CTNNA3: variants seen among roughly 807,000 people sequenced by gnomAD.
CTNNA3 encodes the protein catenin alpha-3.
A neutral mutation model predicts 95.7 loss-of-function variants in CTNNA3; 76 were observed. That is an observed-to-expected ratio of 0.79 (90% CI 0.66 to 0.96). The LOEUF is 0.96. Among genes scored for constraint, CTNNA3 ranks in the 40% least tolerant of loss-of-function variants. The pLI, the probability that CTNNA3 is intolerant of heterozygous loss-of-function variation, is 0.00. For missense variants in CTNNA3, 1,191 were observed against 1,089.8 expected, an observed-to-expected ratio of 1.09 and a Z score of -1.31; for synonymous variants, 431 against 374.4, an observed-to-expected ratio of 1.15 and a Z score of -1.74.
chr10:67,579,525 T>C (rs980852301), intron 3 of CTNNA3, among the ~76,000 whole-genome samples: 1 of 152,176 alleles, frequency 6.6e-6, no homozygotes, highest in Non-Finnish European at 1.5e-5. Flanking sequence ...CGTGTGCATG[T>C]GTCTTTATAG....
intron 7 of CTNNA3, among the ~76,000 whole-genome samples, chr10:67,008,840 G>T (rs923195724): frequency 2.6e-5 from 4 of 152,032 alleles, no homozygotes; most frequent in African/African-American, 9.7e-5. Flanking sequence ...TTACCTTATT[G>T]TTTTTCAGTG....
Position 65,914,276 on chromosome 10 carries a change from A to T in CTNNA3, c.*6054T>A, listed in dbSNP as rs1478137167. ...AGGCACCATCATGACTACCAGATAC[A>T]TAAAAGTGAAGATCCCCAATATACA... is the stretch of plus-strand genomic sequence containing the variant. On this transcript the variant is annotated 3_prime_UTR_variant, in exon 18 of 18. Transcript: ENST00000433211. 1 of 152,138 alleles carries T rather than the reference A, an allele frequency of 6.6e-6. No homozygotes were observed. The highest frequency in any genetic ancestry group is 1.5e-5 in the Non-Finnish European group (1 of 68,016). 9.4% of individuals were successfully genotyped at this position (152,138 alleles called of 1,614,324 possible). A position where few individuals can be genotyped will look rare whatever the true frequency, so the allele number is the denominator to read the frequency against.
At chr10:67,487,977 C>A (rs139151639) in intron 5 of CTNNA3, among the ~76,000 whole-genome samples, 8 of 152,268 alleles carry the variant, frequency 5.3e-5, no homozygotes, top group Middle Eastern at 3.4e-3. Flanking sequence ...AAGCTTAGGA[C>A]AGAAGGAGGA....
Position 66,331,338 on chromosome 10 carries a change from G to GCTTGTTTTTTTTT in CTNNA3, c.1732+47813_1732+47814insAAAAAAAAACAAG, listed in dbSNP as rs1417713676. Among the ~76,000 whole-genome samples the GCTTGTTTTTTTTT allele has an allele frequency of 1.2e-3, 45 of 39,114 alleles. 4 individuals carry two copies. Among genetic ancestry groups the GCTTGTTTTTTTTT allele is most frequent in the South Asian group, 3.6e-3 (3 of 828 alleles). The allele number at this position is 39,114 out of a possible 152,430, so 25.7% of individuals were successfully genotyped here. ...TTAAATATGGACTCCTTTCCCCATT[G>GCTTGTTTTTTTTT]TTTGTTTTTTTTTTTTTTTTTTTTT... On this transcript the variant is annotated intron_variant, in intron 12 of 17. Transcript: ENST00000433211.
At chr10:67,370,995 T>C (rs1843420866) in intron 5 of CTNNA3, among the ~76,000 whole-genome samples, 1 of 149,450 alleles carries the variant, frequency 6.7e-6, no homozygotes, top group Admixed American at 6.6e-5. Context: ...GCCTCCCAAG[T>C]AGCTGGGACT....
At chr10:66,459,021 C>T (rs1589279881) in intron 11 of CTNNA3, among the ~76,000 whole-genome samples, 1 of 152,064 alleles carries the variant, frequency 6.6e-6, no homozygotes, top group African/African-American at 2.4e-5. Context: ...ACTGACCATT[C>T]CTGTCCCTCC....
chr10:66,799,891 A>G (rs1463204886), intron 7 of CTNNA3, among the ~76,000 whole-genome samples: 5 of 151,402 alleles, frequency 3.3e-5, no homozygotes, highest in Non-Finnish European at 7.4e-5. Context: ...ACCTTTATGG[A>G]AATAATAACA....
chr10:66,751,419 A>T (rs1839134294), intron 9 of CTNNA3, among the ~76,000 whole-genome samples: 1 of 152,208 alleles, frequency 6.6e-6, no homozygotes, highest in Non-Finnish European at 1.5e-5. Flanking sequence ...TTTTTGACAT[A>T]GACAATCATG....
At chr10:66,488,256 A>G (rs1315116687) in intron 11 of CTNNA3, among the ~76,000 whole-genome samples, 4 of 152,200 alleles carry the variant, frequency 2.6e-5, no homozygotes, top group Non-Finnish European at 5.9e-5. Flanking sequence ...AAATGATTTC[A>G]TTACCTTTAT....
chr10:66,465,582 C>T (rs147963431), intron 11 of CTNNA3, among the ~76,000 whole-genome samples: 1 of 152,086 alleles, frequency 6.6e-6, no homozygotes, highest in African/African-American at 2.4e-5. Flanking sequence ...AATGCTGAGG[C>T]AAGTTAATTT....
intron 17 of CTNNA3, among the ~76,000 whole-genome samples, chr10:65,941,204 C>G (rs929806692): frequency 6.6e-6 from 1 of 152,136 alleles, no homozygotes; most frequent in Non-Finnish European, 1.5e-5. Context: ...CTATTATCCT[C>G]ATTTTACAGA....
intron 2 of CTNNA3, among the ~76,000 whole-genome samples, chr10:67,626,180 CAAAA>C (rs59942742): frequency 1.3e-4 from 17 of 127,012 alleles, no homozygotes; most frequent in African/African-American, 2.6e-4. Context: ...AACCCTGTCT[CAAAA>C]AAAAAAAAAA....
At chr10:67,534,665 T>C (rs1840436999) in intron 4 of CTNNA3, among the ~76,000 whole-genome samples, 2 of 152,162 alleles carry the variant, frequency 1.3e-5, no homozygotes, top group Admixed American at 1.3e-4. Context: ...GGTTGGAGAA[T>C]GTGTGTATCT....
intron 11 of CTNNA3, among the ~76,000 whole-genome samples, chr10:66,496,455 A>G (rs1840101989): frequency 6.6e-6 from 1 of 152,232 alleles, no homozygotes. Context: ...ATATAGAAAT[A>G]TTATCACATG....
intron 5 of CTNNA3, among the ~76,000 whole-genome samples, chr10:67,383,084 T>A (rs1311530031): frequency 6.6e-6 from 1 of 152,176 alleles, no homozygotes; most frequent in Non-Finnish European, 1.5e-5. Context: ...AGGCATGACT[T>A]AATGTAAGTC....
intron 3 of CTNNA3, among the ~76,000 whole-genome samples, chr10:67,553,957 T>C (rs1841131334): frequency 6.6e-6 from 1 of 152,200 alleles, no homozygotes; most frequent in South Asian, 2.1e-4. Context: ...CCCCACCCTG[T>C]GTCCAAGTGT....
chr10:66,311,136 A>T (rs995266729), intron 12 of CTNNA3, among the ~76,000 whole-genome samples: 3 of 152,268 alleles, frequency 2.0e-5, no homozygotes, highest in Non-Finnish European at 2.9e-5. Context: ...TACTTGAGGC[A>T]TATATATCCA....
At chr10:67,432,851 T>C (rs1193922947) in intron 5 of CTNNA3, among the ~76,000 whole-genome samples, 1 of 152,104 alleles carries the variant, frequency 6.6e-6, no homozygotes, top group Non-Finnish European at 1.5e-5. Context: ...AGTTTTTCTT[T>C]CTTGCAATGT....
At chr10:66,140,527 C>A (rs1192085749) in intron 13 of CTNNA3, among the ~76,000 whole-genome samples, 2 of 152,154 alleles carry the variant, frequency 1.3e-5, no homozygotes, top group African/African-American at 4.8e-5. Flanking sequence ...ATGATTTAAG[C>A]CCTATTCATA....
Sources: gnomAD v4.1 joint callset for allele counts (sites outside exome capture counted in the v4.1 genomes callset) on GRCh38, gnomAD v4.1.1 for gene constraint, MANE v1.5 for transcripts, NCBI Gene and HGNC (gene_info 2026-07-23, HGNC 2026-07-21) for gene names.